The following GPM6A variants were observed in gnomAD, a reference collection of about 807,000 sequenced individuals.
GPM6A encodes glycoprotein M6A.
In GPM6A, 7 loss-of-function variants were observed where a neutral mutation model predicts 32.1. The ratio of observed to expected loss-of-function variants is 0.22; its 90% CI spans 0.12 to 0.41. GPM6A has a LOEUF of 0.41. Among genes scored for constraint, GPM6A ranks in the 10% least tolerant of loss-of-function variants. The pLI is 1.00. For missense variants in GPM6A, 235 were observed against 347.2 expected, an observed-to-expected ratio of 0.68 and a Z score of 2.57; for synonymous variants, 130 against 123.4, an observed-to-expected ratio of 1.05 and a Z score of -0.35.
intron 1 of GPM6A, among the ~76,000 whole-genome samples, chr4:175,775,670 T>A (rs1733364911): frequency 6.6e-6 from 1 of 152,252 alleles, no homozygotes; most frequent in African/African-American, 2.4e-5. Flanking sequence ...ACCTATTAAT[T>A]GTCAAAACCA....
intron 1 of GPM6A, chr4:175,891,364 T>C (rs1481690392): frequency 3.3e-5 from 5 of 152,188 alleles, no homozygotes. Context: ...TTCTTTTAGG[T>C]AAGATTTGAT....
chr4:175,664,180 G>GT (rs1156341590), intron 3 of GPM6A, among the ~76,000 whole-genome samples: 1 of 152,200 alleles, frequency 6.6e-6, no homozygotes, highest in East Asian at 1.9e-4. Context: ...GTCTATAGGG[G>GT]TTGGGGGTGA....
At chr4:175,701,544 G>A in intron 2 of GPM6A, 31 bp downstream of exon 2, 1 of 1,518,832 alleles carries the variant, frequency 6.6e-7, no homozygotes, top group Non-Finnish European at 9.1e-7. Context: ...TATATACATG[G>A]AAAATAACAA....
intron 1 of GPM6A, among the ~76,000 whole-genome samples, chr4:175,919,994 T>C (rs1310570977): frequency 6.6e-6 from 1 of 152,262 alleles, no homozygotes; most frequent in Non-Finnish European, 1.5e-5. Flanking sequence ...CTTACTCTAG[T>C]GGACTCTTCC....
intron 4 of GPM6A, among the ~76,000 whole-genome samples, chr4:175,643,927 G>A (rs1741300520): frequency 6.6e-6 from 1 of 152,056 alleles, no homozygotes; most frequent in African/African-American, 2.4e-5. Context: ...CCCAAGTGCC[G>A]GCCACCCACT....
rs781480804 is a variant in GPM6A at position 175,756,926 on chromosome 4, A to G, written c.38-55159T>C. On this transcript the variant is annotated intron_variant, in intron 1 of 6. Coordinates refer to ENST00000393658, the MANE Select transcript of GPM6A (RefSeq NM_201591.3). ...AGAGAATATTAGTTATCTTATGAAG[A>G]AAGAGGAGCTAGGTAATGAAGGCAA... Among the ~76,000 whole-genome samples, 23 of 152,060 alleles carry G rather than the reference A, an allele frequency of 1.5e-4. 1 individual carries two copies. Among genetic ancestry groups the G allele is most frequent in the South Asian group, 4.2e-4 (2 of 4,810 alleles).
At chr4:175,905,953 T>C (rs1033953522) in intron 1 of GPM6A, among the ~76,000 whole-genome samples, 7 of 152,182 alleles carry the variant, frequency 4.6e-5, no homozygotes, top group East Asian at 1.9e-4. Flanking sequence ...CGCATTTCCC[T>C]GTATCTTTGC....
At chr4:175,746,999 T>C (rs764407908) in intron 1 of GPM6A, among the ~76,000 whole-genome samples, 1 of 152,142 alleles carries the variant, frequency 6.6e-6, no homozygotes, top group African/African-American at 2.4e-5. Context: ...TAGGCTGGCA[T>C]GGTGGCTCAC....
intron 1 of GPM6A, among the ~76,000 whole-genome samples, chr4:175,858,531 CAA>C (rs527607150): frequency 1.2e-4 from 13 of 110,862 alleles, no homozygotes; most frequent in Admixed American, 2.9e-4. Flanking sequence ...AACTCTGTTT[CAA>C]AAAAAAAAAA....
At chr4:175,875,963 C>T (rs1269021568) in intron 1 of GPM6A, among the ~76,000 whole-genome samples, 1 of 152,106 alleles carries the variant, frequency 6.6e-6, no homozygotes, top group Non-Finnish European at 1.5e-5. Flanking sequence ...AATCCAGAAA[C>T]TGTAAAAAAT....
intron 1 of GPM6A, among the ~76,000 whole-genome samples, chr4:175,973,913 T>C (rs1740581794): frequency 6.6e-6 from 1 of 152,194 alleles, no homozygotes; most frequent in African/African-American, 2.4e-5. Context: ...AACTCATCAT[T>C]TTTGGTTTAA....
intron 1 of GPM6A, among the ~76,000 whole-genome samples, chr4:175,879,480 G>T: frequency 6.6e-6 from 1 of 152,088 alleles, no homozygotes; most frequent in East Asian, 1.9e-4. Context: ...TTCACAGGGC[G>T]GCAGGAGAGA....
At chr4:175,698,121 C>T (rs1033529202) in intron 2 of GPM6A, among the ~76,000 whole-genome samples, 6 of 151,772 alleles carry the variant, frequency 4.0e-5, no homozygotes, top group African/African-American at 1.5e-4. Flanking sequence ...TTTTGTGGTC[C>T]CTGAGATAAA....
intron 1 of GPM6A, among the ~76,000 whole-genome samples, chr4:175,887,121 G>A (rs1008377427): frequency 2.0e-5 from 3 of 151,782 alleles, no homozygotes; most frequent in Non-Finnish European, 4.4e-5. Flanking sequence ...AATAATTAAA[G>A]TAAATACATG....
At chr4:175,750,069 T>G (rs534676940) in intron 1 of GPM6A, among the ~76,000 whole-genome samples, 2 of 152,220 alleles carry the variant, frequency 1.3e-5, no homozygotes, top group Admixed American at 1.3e-4. Context: ...CCTATTGCTT[T>G]TTTTTTTGAG....
intron 2 of GPM6A, among the ~76,000 whole-genome samples, chr4:175,699,573 T>C (rs1406805779): frequency 6.6e-6 from 1 of 152,204 alleles, no homozygotes. Context: ...TACAGAGTTA[T>C]GGACTATATT....
chr4:175,970,313 T>C (rs908144396), intron 1 of GPM6A, among the ~76,000 whole-genome samples: 1 of 152,070 alleles, frequency 6.6e-6, no homozygotes, highest in Non-Finnish European at 1.5e-5. Flanking sequence ...AGCAAACACA[T>C]GAACCCCTCA....
chr4:175,697,427 A>T (rs1031513211), intron 2 of GPM6A, among the ~76,000 whole-genome samples: 4 of 152,184 alleles, frequency 2.6e-5, no homozygotes, highest in Non-Finnish European at 5.9e-5. Flanking sequence ...TGTCCTCCTC[A>T]TCACATAGCA....
chr4:175,949,188 A>T (rs560849410), intron 1 of GPM6A, among the ~76,000 whole-genome samples: 1 of 152,316 alleles, frequency 6.6e-6, no homozygotes, highest in South Asian at 2.1e-4. Context: ...ATAAGAAGTA[A>T]TTTTAATGTT....
Sources: allele counts gnomAD v4.1 joint callset (sites outside exome capture counted in the v4.1 genomes callset), GRCh38; gene constraint gnomAD v4.1.1; transcripts MANE v1.5; gene names NCBI Gene and HGNC (gene_info 2026-07-23, HGNC 2026-07-21).